CDH1: variants seen among roughly 807,000 people sequenced by gnomAD.
CDH1 encodes the protein cadherin-1.
Under a neutral mutation model 84.5 loss-of-function variants are expected in CDH1, and 35 were observed. The ratio of observed to expected loss-of-function variants is 0.41; its 90% CI spans 0.32 to 0.55. The LOEUF is 0.55. CDH1 is among the 20% of genes least tolerant of loss of function. CDH1 has a pLI of 0.19. For synonymous variants in CDH1, 417 were observed against 439.0 expected, an observed-to-expected ratio of 0.95 and a Z score of 0.63; for missense variants, 994 against 1,126.6, an observed-to-expected ratio of 0.88 and a Z score of 1.68.
At position 68,834,463 on chromosome 16, in the gene CDH1, T is replaced by C. The variant is rs926134238; in HGVS notation, c.*964T>C. ...AACTCCTGGCCTCAAGCAATCCTTC[T>C]GCCTTGGCCCCCCAAAGTGCTGGGA... On this transcript the variant is annotated 3_prime_UTR_variant, in exon 16 of 16. Coordinates refer to ENST00000261769, the MANE Select transcript of CDH1 (RefSeq NM_004360.5). The C allele has an allele frequency of 9.4e-6, 3 of 318,362 alleles. No homozygotes were observed. The highest frequency in any genetic ancestry group is 1.8e-5 in the Non-Finnish European group (3 of 164,382). 19.7% of individuals were successfully genotyped at this position (318,362 alleles called of 1,614,324 possible). A position where few individuals can be genotyped will look rare whatever the true frequency, so the allele number is the denominator to read the frequency against.
rs773019924 is a variant in CDH1, at chr16:68,834,565, A to G, written c.*1066A>G. Reference sequence around the variant, plus strand: ...ACTCCTGAATTCAGTTGCTTTGCCCAAGATAGGAGTTCTCTGATGCAGAAA... The same window carrying G: ...ACTCCTGAATTCAGTTGCTTTGCCCGAGATAGGAGTTCTCTGATGCAGAAA... On this transcript the variant is annotated 3_prime_UTR_variant, in exon 16 of 16. Coordinates refer to ENST00000261769, the MANE Select transcript of CDH1 (RefSeq NM_004360.5). The G allele has an allele frequency of 4.8e-5, 12 of 247,480 alleles. No homozygotes were observed. Among genetic ancestry groups the G allele is most frequent in the Admixed American group, 1.1e-4 (2 of 18,426 alleles). 15.3% of individuals were successfully genotyped at this position (247,480 alleles called of 1,614,324 possible). A position where few individuals can be genotyped will look rare whatever the true frequency, so the allele number is the denominator to read the frequency against.
chr16:68,834,046 TC>T lies in CDH1; in HGVS notation c.*550del, dbSNP rs554692623. 12 of 373,910 alleles carry T rather than the reference TC, an allele frequency of 3.2e-5. No individual in the cohort carries two copies. In the Admixed American group the frequency reaches 4.1e-4, roughly 13 times the overall value. The allele number at this position is 373,910 out of a possible 1,614,324, so 23.2% of individuals were successfully genotyped here. ...ATCACAGCTCACTGCAGCCTTGTCC[TC>T]CCAGGCTCAAGCTATCCTTGCACCT... On this transcript the variant is annotated 3_prime_UTR_variant, in exon 16 of 16. Transcript: ENST00000261769.
rs192047025 is a variant in CDH1 at position 68,748,194 on chromosome 16, C to A, written c.163+9783C>A. 1.1e-3 allele frequency among the ~76,000 whole-genome samples: 163 copies of A among 149,080 alleles called. 1 individual carries two copies. The highest frequency in any genetic ancestry group is 3.8e-3 in the African/African-American group (152 of 39,948). On this transcript the variant is annotated intron_variant, in intron 2 of 15. Coordinates refer to ENST00000261769, the MANE Select transcript of CDH1 (RefSeq NM_004360.5). ...ATGGCATGATCTCGGCTCACCGCAA[C>A]CTCCGCCTCCCGGGTTCAAGTGATT... is the stretch of plus-strand genomic sequence containing the variant.
chr16:68,819,731 C>A (rs1961089981), intron 11 of CDH1, among the ~76,000 whole-genome samples: 1 of 152,130 alleles, frequency 6.6e-6, no homozygotes, highest in Non-Finnish European at 1.5e-5. Flanking sequence ...GTCTATCATT[C>A]CACAATCTAC....
chr16:68,738,964 T>TTTTTTTTTTAA (rs555202424), intron 2 of CDH1, among the ~76,000 whole-genome samples: 2 of 65,364 alleles, frequency 3.1e-5, no homozygotes, highest in Non-Finnish European at 2.8e-5. Flanking sequence ...TTTTTTTTTT[T>TTTTTTTTTTAA]AAAGACAGGG....
Position 68,812,253 on chromosome 16 carries a change from A to T in CDH1, c.1127A>T (p.Asn376Ile), listed in dbSNP as rs1169866178. Reference protein sequence around the residue: ...TDTNDNPPIFNPTTYKGQVPE... With the variant: ...TDTNDNPPIFIPTTYKGQVPE... ...ACCAACGATAATCCTCCGATCTTCA[A>T]TCCCACCACGGTAATTCTATAACTC... The change falls in exon 8 of 16, where the codon AAT becomes ATT. Residue 376 changes from asparagine (N) to isoleucine (I), a missense_variant. Coordinates refer to ENST00000261769, the MANE Select transcript of CDH1 (RefSeq NM_004360.5). 6.2e-7 allele frequency: 1 copy of T among 1,614,166 alleles called. No homozygotes were observed. The highest frequency in any genetic ancestry group is 2.2e-5 in the East Asian group (1 of 44,886).
chr16:68,785,763 AG>A (rs754622157), intron 2 of CDH1, among the ~76,000 whole-genome samples: 23 of 151,318 alleles, frequency 1.5e-4, no homozygotes, highest in Admixed American at 4.6e-4. Flanking sequence ...ATAGGTTCAT[AG>A]TATTTCATTG....
intron 2 of CDH1, among the ~76,000 whole-genome samples, chr16:68,764,347 C>T (rs1452342868): frequency 6.6e-6 from 1 of 152,262 alleles, no homozygotes; most frequent in African/African-American, 2.4e-5. Flanking sequence ...GAGGCCAAGG[C>T]GGGTGGATCA....
intron 2 of CDH1, among the ~76,000 whole-genome samples, chr16:68,758,003 G>A (rs1166280520): frequency 5.1e-5 from 7 of 137,306 alleles, no homozygotes; most frequent in African/African-American, 1.6e-4. Context: ...TTGTAGAGAC[G>A]AGGTTTTGCC....
At chr16:68,827,663 C>T (rs917425575) in intron 13 of CDH1, among the ~76,000 whole-genome samples, 1 of 152,236 alleles carries the variant, frequency 6.6e-6, no homozygotes, top group African/African-American at 2.4e-5. Context: ...CCTAGGAGCC[C>T]TGCTCACAAA....
intron 2 of CDH1, among the ~76,000 whole-genome samples, chr16:68,790,270 G>A (rs959167303): frequency 6.6e-6 from 1 of 152,154 alleles, no homozygotes; most frequent in African/African-American, 2.4e-5. Flanking sequence ...GGAGAGAGAG[G>A]AGGAGGGATT....
At chr16:68,759,583 G>A (rs1014143496) in intron 2 of CDH1, among the ~76,000 whole-genome samples, 12 of 150,110 alleles carry the variant, frequency 8.0e-5, no homozygotes, top group African/African-American at 1.7e-4. Context: ...TCCGCCTCCC[G>A]AGTTCAAGCG....
At chr16:68,740,129 TC>T (rs1433198439) in intron 2 of CDH1, among the ~76,000 whole-genome samples, 178 of 152,098 alleles carry the variant, frequency 1.2e-3, no homozygotes, top group African/African-American at 3.8e-3. Flanking sequence ...CTTTCTCCTC[TC>T]TCATGATTTT....
At position 68,812,141 on chromosome 16, in the gene CDH1, C is replaced by G. The variant is rs1555515709; in HGVS notation, c.1015C>G (p.Pro339Ala). Residue 339 changes from proline to alanine, a missense_variant, in exon 8 of 16, where the codon CCT becomes GCT. Around this residue, in one of 3 missense-constraint regions of CDH1, gnomAD observed 769 missense variants for 881.8 expected, o/e 0.87. Coordinates refer to ENST00000261769, the MANE Select transcript of CDH1 (RefSeq NM_004360.5). ...TGTGTCGATCTCTCTGCAGAGTTTC[C>G]CTACGTATACCCTGGTGGTTCAAGC... Reference protein sequence around the residue: ...VTTGLDRESFPTYTLVVQAAD... With the variant: ...VTTGLDRESFATYTLVVQAAD... 6 of 1,614,028 alleles carry G rather than the reference C, an allele frequency of 3.7e-6. No homozygotes were observed. Among genetic ancestry groups the G allele is most frequent in the Non-Finnish European group, 3.4e-6 (4 of 1,180,002 alleles).
chr16:68,802,890 C>G (rs2152127474), intron 3 of CDH1, among the ~76,000 whole-genome samples: 1 of 152,294 alleles, frequency 6.6e-6, no homozygotes, highest in East Asian at 1.9e-4. Flanking sequence ...CCACAAGACC[C>G]TTCCCCATTG....
intron 2 of CDH1, among the ~76,000 whole-genome samples, chr16:68,769,464 T>A (rs1331414472): frequency 2.0e-5 from 2 of 100,560 alleles, no homozygotes; most frequent in Non-Finnish European, 4.6e-5. Flanking sequence ...CAAATGGAAT[T>A]TCTTTTTTTT....
intron 10 of CDH1, among the ~76,000 whole-genome samples, chr16:68,816,911 G>A (rs970865361): frequency 1.3e-5 from 2 of 152,200 alleles, no homozygotes; most frequent in African/African-American, 2.4e-5. Context: ...TGTAGGATTA[G>A]GTTCAGTGAT....
In CDH1 at chr16:68,813,346, G is replaced by A. The variant is rs556110297; in HGVS notation, c.1171G>A (p.Val391Ile). Residue 391 changes from valine to isoleucine, a missense_variant, in exon 9 of 16, where the codon GTC becomes ATC. By Grantham distance (29) the Val-to-Ile change is conservative. Coordinates refer to ENST00000261769, the MANE Select transcript of CDH1 (RefSeq NM_004360.5). Reference protein sequence around the residue: ...KGQVPENEANVVITTLKVTDA... With the variant: ...KGQVPENEANIVITTLKVTDA... Reference sequence around the variant, plus strand: ...TCAGGTGCCTGAGAACGAGGCTAACGTCGTAATCACCACACTGAAAGTGAC... The same window carrying A: ...TCAGGTGCCTGAGAACGAGGCTAACATCGTAATCACCACACTGAAAGTGAC... 63 of 1,614,146 alleles carry A rather than the reference G, an allele frequency of 3.9e-5. 1 individual carries two copies. The highest frequency in any genetic ancestry group is 1.3e-4 in the South Asian group (12 of 91,084).
At chr16:68,758,679 G>A (rs1028510682) in intron 2 of CDH1, among the ~76,000 whole-genome samples, 1 of 113,220 alleles carries the variant, frequency 8.8e-6, no homozygotes, top group East Asian at 3.2e-4. Flanking sequence ...TGGGGCGGGG[G>A]GCGGGTAGTG....
Sources: allele counts gnomAD v4.1 joint callset (sites outside exome capture counted in the v4.1 genomes callset), GRCh38; gene constraint gnomAD v4.1.1; regional missense constraint gnomAD v4.1.1; transcripts MANE v1.5; gene names NCBI Gene and HGNC (gene_info 2026-07-23, HGNC 2026-07-21).